Variants in ULK4 observed in about 807,000 individuals in gnomAD.
ULK4 encodes unc-51 like kinase 4.
A neutral mutation model predicts 160.6 loss-of-function variants in ULK4; 133 were observed. The observed-to-expected ratio is 0.83, with a 90% CI of 0.72 to 0.96. The LOEUF is 0.96. Among genes scored for constraint, ULK4 ranks in the 40% least tolerant of loss-of-function variants. The pLI is 0.00. For synonymous variants in ULK4, 534 were observed against 539.8 expected (o/e 0.99, Z 0.15); for missense variants, 1,580 against 1,499.5 (o/e 1.05, Z -0.89).
intron 35 of ULK4, among the ~76,000 whole-genome samples, chr3:41,383,970 T>G (rs1283138758): frequency 6.6e-6 from 1 of 152,200 alleles, no homozygotes; most frequent in Non-Finnish European, 1.5e-5. Flanking sequence ...TATCAAAATT[T>G]TATAGTTTTT....
intron 21 of ULK4, among the ~76,000 whole-genome samples, chr3:41,785,171 C>G (rs2039964360): frequency 1.3e-5 from 2 of 151,846 alleles, no homozygotes; most frequent in Admixed American, 1.3e-4. Context: ...TGAGTAGCAA[C>G]CAAAAAACAG....
At chr3:41,817,387 A>G (rs777064644) in intron 19 of ULK4, among the ~76,000 whole-genome samples, 1 of 152,208 alleles carries the variant, frequency 6.6e-6, no homozygotes, top group Non-Finnish European at 1.5e-5. Flanking sequence ...AACAACCGGA[A>G]TATGTGGACA....
chr3:41,602,296 GAAAGGAA>G (rs1392881587), intron 31 of ULK4, among the ~76,000 whole-genome samples: 4 of 129,988 alleles, frequency 3.1e-5, no homozygotes, highest in Admixed American at 1.5e-4. Flanking sequence ...GAAAGGAAAG[GAAAGGAA>G]AGGAAAGGAA....
intron 21 of ULK4, among the ~76,000 whole-genome samples, chr3:41,765,943 G>T (rs2039146932): frequency 6.6e-6 from 1 of 152,304 alleles, no homozygotes; most frequent in Middle Eastern, 3.4e-3. Flanking sequence ...TGTCTTAAGT[G>T]AGTAGTCAAA....
At chr3:41,817,473 A>T (rs898116386) in intron 19 of ULK4, among the ~76,000 whole-genome samples, 4 of 152,234 alleles carry the variant, frequency 2.6e-5, no homozygotes, top group African/African-American at 9.6e-5. Flanking sequence ...TCTTTGCAAC[A>T]ACATGGATGC....
At chr3:41,376,669 G>A (rs1366407991) in intron 35 of ULK4, among the ~76,000 whole-genome samples, 1 of 149,656 alleles carries the variant, frequency 6.7e-6, no homozygotes, top group Non-Finnish European at 1.5e-5. Context: ...ACTTACAAGG[G>A]ATGTGAAGGA....
chr3:41,397,883 G>A (rs1426991610), intron 35 of ULK4, among the ~76,000 whole-genome samples, 196 bp downstream of exon 35: 1 of 152,158 alleles, frequency 6.6e-6, no homozygotes, highest in Non-Finnish European at 1.5e-5. Context: ...TCAGAAAAAA[G>A]TATGTATATA....
intron 25 of ULK4, among the ~76,000 whole-genome samples, chr3:41,705,861 C>T (rs2036858621): frequency 6.6e-6 from 1 of 152,114 alleles, no homozygotes; most frequent in Admixed American, 6.5e-5. Flanking sequence ...ATAACTGATA[C>T]ATAACCATGT....
chr3:41,666,462 G>A (rs959599653), intron 29 of ULK4, among the ~76,000 whole-genome samples: 2 of 152,170 alleles, frequency 1.3e-5, no homozygotes, highest in African/African-American at 2.4e-5. Context: ...ACATCCCTAA[G>A]AAGGAAACTG....
chr3:41,485,735 T>C (rs1390725443), intron 32 of ULK4, among the ~76,000 whole-genome samples: 1 of 152,220 alleles, frequency 6.6e-6, no homozygotes, highest in East Asian at 1.9e-4. Context: ...CATTTCATTT[T>C]CAGTTTTCTG....
intron 31 of ULK4, among the ~76,000 whole-genome samples, chr3:41,566,759 A>T (rs2087795753): frequency 6.6e-6 from 1 of 152,232 alleles, no homozygotes. Context: ...AAAGGGTCTT[A>T]CAAACAACTT....
intron 35 of ULK4, among the ~76,000 whole-genome samples, chr3:41,333,629 A>G (rs746548121): frequency 3.9e-5 from 6 of 152,176 alleles, no homozygotes; most frequent in Non-Finnish European, 7.3e-5. Context: ...TTCTTAGTCT[A>G]AAACATTTCT....
chr3:41,669,029 A>G (rs1307720726), intron 29 of ULK4, among the ~76,000 whole-genome samples: 5 of 152,322 alleles, frequency 3.3e-5, no homozygotes, highest in African/African-American at 9.6e-5. Flanking sequence ...TAAACAAACC[A>G]CAGAAAAATG....
intron 18 of ULK4, among the ~76,000 whole-genome samples, chr3:41,832,460 T>C (rs970169501): frequency 2.0e-5 from 3 of 152,238 alleles, no homozygotes; most frequent in African/African-American, 7.2e-5. Flanking sequence ...GATGGGTAGA[T>C]TGCAAAAATT....
chr3:41,448,691 CGAG>C (rs1337150525), intron 34 of ULK4, among the ~76,000 whole-genome samples: 1 of 151,998 alleles, frequency 6.6e-6, no homozygotes, highest in Admixed American at 6.6e-5. Context: ...CTCATGGCAA[CGAG>C]GAGAAAATGG....
intron 33 of ULK4, among the ~76,000 whole-genome samples, chr3:41,456,427 G>T (rs796491248): frequency 5.3e-5 from 8 of 152,196 alleles, no homozygotes; most frequent in African/African-American, 1.9e-4. Flanking sequence ...TTCTCTATAT[G>T]CATACATATG....
intron 33 of ULK4, among the ~76,000 whole-genome samples, chr3:41,457,887 C>T (rs2083591364): frequency 6.6e-6 from 1 of 152,016 alleles, no homozygotes; most frequent in African/African-American, 2.4e-5. Context: ...ATAACCCAGG[C>T]GATAGAGGAT....
intron 17 of ULK4, among the ~76,000 whole-genome samples, chr3:41,852,283 T>C (rs898966737): frequency 6.6e-6 from 1 of 152,198 alleles, no homozygotes; most frequent in Non-Finnish European, 1.5e-5. Flanking sequence ...ACCAGAAGGA[T>C]TCACAGCCGA....
chr3:41,732,516 TA>T (rs2037867840), intron 22 of ULK4, among the ~76,000 whole-genome samples: 1 of 152,138 alleles, frequency 6.6e-6, no homozygotes, highest in Non-Finnish European at 1.5e-5. Flanking sequence ...TATATACTGT[TA>T]GAGGGAAGGT....
Sources: gnomAD v4.1 joint callset for allele counts (sites outside exome capture counted in the v4.1 genomes callset) on GRCh38, gnomAD v4.1.1 for gene constraint, MANE v1.5 for transcripts, NCBI Gene and HGNC (gene_info 2026-07-23, HGNC 2026-07-21) for gene names.